The following ADARB2 variants were observed in gnomAD, a reference collection of about 807,000 sequenced individuals.
The protein encoded by ADARB2 is inactive double-stranded RNA-specific editase B2.
Under a neutral mutation model 62.2 loss-of-function variants are expected in ADARB2, and 25 were observed. The ratio of observed to expected loss-of-function variants is 0.40; its 90% confidence interval spans 0.29 to 0.56. ADARB2 has a LOEUF of 0.56. Among genes scored for constraint, ADARB2 ranks in the 20% least tolerant of loss-of-function variants. ADARB2 has a pLI of 0.43. For missense variants in ADARB2, 1,071 were observed against 1,077.4 expected (o/e 0.99, Z 0.08); for synonymous variants, 572 against 500.8 (o/e 1.14, Z -1.90).
chr10:1,633,332 C>T (rs1404238457), intron 1 of ADARB2, among the ~76,000 whole-genome samples: 3 of 152,144 alleles, frequency 2.0e-5, no homozygotes, highest in Admixed American at 6.5e-5. Flanking sequence ...ATCCAAAATC[C>T]GCAATGCTCC....
chr10:1,364,679 G>A (rs1372127680), intron 2 of ADARB2, among the ~76,000 whole-genome samples: 1 of 152,112 alleles, frequency 6.6e-6, no homozygotes, highest in African/African-American at 2.4e-5. Context: ...TTTGCATAGC[G>A]TTTACACTGT....
chr10:1,249,711 C>T (rs1041722542), intron 4 of ADARB2, among the ~76,000 whole-genome samples: 1 of 151,894 alleles, frequency 6.6e-6, no homozygotes, highest in Non-Finnish European at 1.5e-5. Flanking sequence ...ACATCTGCTG[C>T]AGCCATTGAC....
chr10:1,576,100 AGGG>A (rs1833014085), intron 1 of ADARB2, among the ~76,000 whole-genome samples: 28 of 72,926 alleles, frequency 3.8e-4, no homozygotes, highest in Admixed American at 6.4e-4. Context: ...GGGCCACGGG[AGGG>A]GGCTCAGAGT....
intron 6 of ADARB2, among the ~76,000 whole-genome samples, chr10:1,225,623 T>C (rs12763864): frequency 0.27 from 39,833 of 149,582 alleles, 6,123 homozygotes; most frequent in South Asian, 0.43. Context: ...ACAAAATCTC[T>C]CAGCATTTGC....
chr10:1,671,890 G>C (rs141169905), intron 1 of ADARB2, among the ~76,000 whole-genome samples: 3 of 151,968 alleles, frequency 2.0e-5, no homozygotes, highest in East Asian at 3.9e-4. Context: ...ACTTGCACTG[G>C]GGGGGAGTGG....
intron 1 of ADARB2, among the ~76,000 whole-genome samples, chr10:1,416,200 C>T (rs1343325314): frequency 6.6e-6 from 1 of 152,358 alleles, no homozygotes; most frequent in Admixed American, 6.5e-5. Flanking sequence ...TTCATAAACA[C>T]TTATTCACAC....
chr10:1,351,891 G>A (rs2131844532), intron 3 of ADARB2, among the ~76,000 whole-genome samples: 1 of 149,136 alleles, frequency 6.7e-6, no homozygotes, highest in African/African-American at 2.6e-5. Context: ...CAACCAAATT[G>A]TTTTGCCTAT....
intron 1 of ADARB2, among the ~76,000 whole-genome samples, chr10:1,606,922 T>C (rs1012023373): frequency 5.3e-5 from 8 of 152,178 alleles, no homozygotes; most frequent in Non-Finnish European, 1.2e-4. Flanking sequence ...TGTCCATCCA[T>C]GACAGAATGT....
In ADARB2 at chr10:1,327,289, C is replaced by T. The variant is rs111505762; in HGVS notation, c.1077+35739G>A. 7.5e-3 allele frequency among the ~76,000 whole-genome samples: 486 copies of T among 64,948 alleles called. 64 individuals are homozygous for T. Among genetic ancestry groups the T allele is most frequent in the Non-Finnish European group, 0.013 (381 of 28,278 alleles). 42.6% of individuals were successfully genotyped at this position (64,948 alleles called of 152,430 possible). A position where few individuals can be genotyped will look rare whatever the true frequency, so the allele number is the denominator to read the frequency against. ...CTCACTGCACAGCGCCTCCTCACTGCCCAGCGCCTCCCCACGGCACAGCAC... is the reference window on the plus strand; with the variant it reads ...CTCACTGCACAGCGCCTCCTCACTGTCCAGCGCCTCCCCACGGCACAGCAC... On this transcript the variant is annotated intron_variant, in intron 3 of 9. Coordinates refer to ENST00000381312, the MANE Select transcript of ADARB2 (RefSeq NM_018702.4).
intron 4 of ADARB2, among the ~76,000 whole-genome samples, chr10:1,264,684 C>T (rs1344958666): frequency 1.3e-5 from 2 of 152,204 alleles, no homozygotes; most frequent in Non-Finnish European, 2.9e-5. Flanking sequence ...TATGCTCCAT[C>T]GTGGAATTAA....
At chr10:1,303,538 A>C (rs1831595379) in intron 3 of ADARB2, among the ~76,000 whole-genome samples, 1 of 152,150 alleles carries the variant, frequency 6.6e-6, no homozygotes, top group Non-Finnish European at 1.5e-5. Context: ...TGCCACAAAG[A>C]TACTCCTCAA....
chr10:1,656,289 C>T (rs1016698460), intron 1 of ADARB2, among the ~76,000 whole-genome samples: 13 of 152,322 alleles, frequency 8.5e-5, no homozygotes, highest in African/African-American at 9.6e-5. Context: ...CCTCAGATGA[C>T]GTCGAACCTA....
intron 1 of ADARB2, among the ~76,000 whole-genome samples, chr10:1,713,737 G>C (rs538120195): frequency 6.6e-6 from 1 of 152,116 alleles, no homozygotes; most frequent in East Asian, 1.9e-4. Flanking sequence ...GCCATGCTCC[G>C]GTCCCGTGGG....
chr10:1,277,427 C>T (rs1831328137), intron 3 of ADARB2, among the ~76,000 whole-genome samples: 3 of 152,112 alleles, frequency 2.0e-5, no homozygotes, highest in African/African-American at 7.2e-5. Context: ...GGGATATCAC[C>T]ACCAGTCCCA....
intron 3 of ADARB2, among the ~76,000 whole-genome samples, chr10:1,287,274 A>G (rs1026184227): frequency 3.9e-5 from 6 of 152,230 alleles, no homozygotes; most frequent in Non-Finnish European, 8.8e-5. Context: ...TAATTCACAA[A>G]TAATAATTGT....
At chr10:1,375,653 G>A (rs1488300019) in intron 2 of ADARB2, among the ~76,000 whole-genome samples, 2 of 152,194 alleles carry the variant, frequency 1.3e-5, no homozygotes, top group Non-Finnish European at 2.9e-5. Context: ...TGTGAAACAC[G>A]GGAGACCGGA....
chr10:1,268,317 A>G (rs1831226963), intron 4 of ADARB2, among the ~76,000 whole-genome samples: 1 of 152,176 alleles, frequency 6.6e-6, no homozygotes, highest in Admixed American at 6.6e-5. Context: ...GAAGTTCTTT[A>G]GAATCTTTAC....
intron 5 of ADARB2, among the ~76,000 whole-genome samples, chr10:1,235,646 C>A (rs1394183204): frequency 7.8e-4 from 27 of 34,408 alleles, no homozygotes; most frequent in South Asian, 6.0e-3. Context: ...TCCCCTCTGC[C>A]TCCCGGTGTT....
intron 1 of ADARB2, among the ~76,000 whole-genome samples, chr10:1,559,893 C>T (rs183804939): frequency 5.5e-4 from 84 of 152,338 alleles, no homozygotes; most frequent in Middle Eastern, 6.8e-3. Flanking sequence ...GGCGGCTTCT[C>T]AGAAGCGTGT....
Sources: allele counts gnomAD v4.1 joint callset (sites outside exome capture counted in the v4.1 genomes callset), GRCh38; gene constraint gnomAD v4.1.1; transcripts MANE v1.5; gene names NCBI Gene and HGNC (gene_info 2026-07-23, HGNC 2026-07-21).